ERC2: variants seen among roughly 807,000 people sequenced by gnomAD.
The protein encoded by ERC2 is ELKS/RAB6-interacting/CAST family member 2.
ERC2 carries 42 observed loss-of-function variants against 114.8 expected under a neutral mutation model. That is an observed-to-expected ratio of 0.37 (90% CI 0.29 to 0.47). The LOEUF is 0.47. Ranked by LOEUF, ERC2 falls within the 20% of genes least tolerant of loss-of-function variation. The probability of loss-of-function intolerance (pLI) is 0.99; values close to 1 mark genes in which losing one functional copy is unlikely to be tolerated. For synonymous variants in ERC2, 454 were observed against 425.5 expected, an observed-to-expected ratio of 1.07 and a Z score of -0.82; for missense variants, 939 against 1,150.7, an observed-to-expected ratio of 0.82 and a Z score of 2.66.
rs2053894210 is a variant in ERC2, at chr3:56,274,863, G to A, written c.1074+21156C>T. On this transcript the variant is annotated intron_variant, in intron 3 of 17. Coordinates refer to ENST00000288221, the MANE Select transcript of ERC2 (RefSeq NM_015576.3). ...AAAATCTGGAGTTCTGGAGCAATCTGTTTATTCCCAAGGCAAAAATATTTA... is the reference window on the plus strand; with the variant it reads ...AAAATCTGGAGTTCTGGAGCAATCTATTTATTCCCAAGGCAAAAATATTTA... Among the ~76,000 whole-genome samples the A allele has an allele frequency of 2.6e-5, 4 of 152,302 alleles. No homozygotes were observed. The South Asian group carries it at 8.3e-4, about 32-fold the overall frequency.
chr3:56,404,729 A>G (rs1208111294), intron 2 of ERC2, among the ~76,000 whole-genome samples: 1 of 152,170 alleles, frequency 6.6e-6, no homozygotes, highest in Non-Finnish European at 1.5e-5. Context: ...TTAATTTAAA[A>G]AAAAAAAGAT....
At chr3:55,853,292 T>C (rs915645050) in intron 14 of ERC2, among the ~76,000 whole-genome samples, 10 of 152,172 alleles carry the variant, frequency 6.6e-5, no homozygotes, top group Non-Finnish European at 1.3e-4. Flanking sequence ...TTTGAGAGGC[T>C]GAGGTGGGAA....
At chr3:55,847,191 G>A (rs2061403950) in intron 14 of ERC2, among the ~76,000 whole-genome samples, 1 of 152,046 alleles carries the variant, frequency 6.6e-6, no homozygotes, top group African/African-American at 2.4e-5. Context: ...AATTCACAAA[G>A]GAAAAAGTAT....
intron 13 of ERC2, among the ~76,000 whole-genome samples, chr3:55,928,499 T>A (rs2065881886): frequency 6.6e-6 from 1 of 152,188 alleles, no homozygotes; most frequent in African/African-American, 2.4e-5. Flanking sequence ...GCTCCTTATA[T>A]ATTCTGGTTA....
intron 1 of ERC2, among the ~76,000 whole-genome samples, chr3:56,457,118 T>C (rs539710606): frequency 6.6e-6 from 1 of 152,318 alleles, no homozygotes; most frequent in African/African-American, 2.4e-5. Context: ...TTCAAGTATT[T>C]CCCTCGATTA....
chr3:56,400,643 T>G lies in ERC2; in HGVS notation c.657+33708A>C, dbSNP rs1433230627. ...TTACTTCAAGCACATTTAATTTTCC[T>G]ACAAATCTGCAATATCAAGACCTTT... is the stretch of plus-strand genomic sequence containing the variant. On this transcript the variant is annotated intron_variant, in intron 2 of 17. Coordinates refer to ENST00000288221, the MANE Select transcript of ERC2 (RefSeq NM_015576.3). Among the ~76,000 whole-genome samples the G allele has an allele frequency of 3.3e-5, 5 of 152,186 alleles. No individual in the cohort carries two copies. In the East Asian group the frequency reaches 9.6e-4, roughly 29 times the overall value.
chr3:55,897,058 G>A (rs950200144), intron 13 of ERC2, among the ~76,000 whole-genome samples: 2 of 152,172 alleles, frequency 1.3e-5, no homozygotes, highest in Non-Finnish European at 2.9e-5. Context: ...TGGAGAAATC[G>A]TCGGATCTTT....
Position 56,435,091 on chromosome 3 carries a change from G to C in ERC2, c.-84C>G. ...GAGCTAATATTTCCACGATTGTCCA[G>C]AATTTTCACCGCATTCTTTTCACAG... is the stretch of plus-strand genomic sequence containing the variant. On this transcript the variant is annotated 5_prime_UTR_variant, in exon 2 of 18. Transcript: ENST00000288221. 1 of 1,034,434 alleles carries C rather than the reference G, an allele frequency of 9.7e-7. No homozygotes were observed. 64.1% of individuals were successfully genotyped at this position (1,034,434 alleles called of 1,614,324 possible).
chr3:55,986,810 ACAAG>A (rs1027791855), intron 11 of ERC2, among the ~76,000 whole-genome samples: 7 of 151,574 alleles, frequency 4.6e-5, no homozygotes, highest in Middle Eastern at 3.4e-3. Flanking sequence ...AAAAATAAAA[ACAAG>A]CAAACAAACA....
intron 2 of ERC2, among the ~76,000 whole-genome samples, chr3:56,429,088 C>T (rs1220641939): frequency 6.6e-6 from 1 of 152,150 alleles, no homozygotes; most frequent in African/African-American, 2.4e-5. Flanking sequence ...CTCTTATGTA[C>T]CAAACTACAA....
At chr3:56,067,876 C>G (rs1324003998) in intron 7 of ERC2, among the ~76,000 whole-genome samples, 1 of 152,158 alleles carries the variant, frequency 6.6e-6, no homozygotes, top group Non-Finnish European at 1.5e-5. Flanking sequence ...AGACTTGCAT[C>G]CCAGGGATGA....
intron 12 of ERC2, among the ~76,000 whole-genome samples, chr3:55,959,563 C>T (rs745931140): frequency 6.6e-6 from 1 of 152,194 alleles, no homozygotes; most frequent in Non-Finnish European, 1.5e-5. Context: ...AATGTTGAAC[C>T]CACAGGCATC....
intron 6 of ERC2, among the ~76,000 whole-genome samples, chr3:56,103,906 T>C (rs2078501696): frequency 6.6e-6 from 1 of 152,080 alleles, no homozygotes; most frequent in East Asian, 1.9e-4. Context: ...AGATACAGAA[T>C]AGCTGAGTGT....
intron 4 of ERC2, among the ~76,000 whole-genome samples, chr3:56,161,138 G>T (rs4393875): frequency 0.9 from 137,307 of 152,122 alleles, 62,666 homozygotes; most frequent in East Asian, 1. Context: ...AAAAAGAGTC[G>T]GGGCCCTCCT....
chr3:56,224,083 T>A (rs1200271409), intron 3 of ERC2, among the ~76,000 whole-genome samples: 2 of 152,222 alleles, frequency 1.3e-5, no homozygotes, highest in Non-Finnish European at 2.9e-5. Context: ...ATAATCATAT[T>A]TTTAGATTCA....
intron 6 of ERC2, among the ~76,000 whole-genome samples, chr3:56,126,886 AAGGGAAGGGC>A (rs1204546654): frequency 2.1e-5 from 3 of 142,030 alleles, no homozygotes; most frequent in Admixed American, 2.1e-4. Flanking sequence ...GCAAGGCAAG[AAGGGAAGGGC>A]AGGGAAGGGC....
intron 14 of ERC2, among the ~76,000 whole-genome samples, chr3:55,885,578 G>A (rs2063318193): frequency 6.6e-6 from 1 of 152,204 alleles, no homozygotes; most frequent in African/African-American, 2.4e-5. Flanking sequence ...CAGCAATAAT[G>A]TGGCAATTCA....
At chr3:56,102,624 AT>A (rs2078422442) in intron 6 of ERC2, among the ~76,000 whole-genome samples, 1 of 152,188 alleles carries the variant, frequency 6.6e-6, no homozygotes, top group African/African-American at 2.4e-5. Context: ...TTACTTAGGA[AT>A]ATATAATTAG....
chr3:55,844,010 G>T (rs535559704), intron 14 of ERC2, among the ~76,000 whole-genome samples: 1 of 152,272 alleles, frequency 6.6e-6, no homozygotes, highest in South Asian at 2.1e-4. Flanking sequence ...TCAGATAAAA[G>T]CAAATAATGG....
Sources: allele counts gnomAD v4.1 joint callset (sites outside exome capture counted in the v4.1 genomes callset), GRCh38; gene constraint gnomAD v4.1.1; transcripts MANE v1.5; gene names NCBI Gene and HGNC (gene_info 2026-07-23, HGNC 2026-07-21).